CACNA1H: variants seen among roughly 807,000 people sequenced by gnomAD.
The protein encoded by CACNA1H is voltage-dependent T-type calcium channel subunit alpha-1H.
CACNA1H carries 149 observed loss-of-function variants against 192.5 expected under a neutral mutation model. That is an observed-to-expected ratio of 0.77 (90% CI 0.68 to 0.89). The LOEUF is 0.89. Ranked by LOEUF, CACNA1H falls within the 40% of genes least tolerant of loss-of-function variation. The pLI, the probability that CACNA1H is intolerant of heterozygous loss-of-function variation, is 0.00. For synonymous variants in CACNA1H, 2,202 were observed against 1,475.2 expected (o/e 1.49, Z -11.29); for missense variants, 4,257 against 3,423.5 (o/e 1.24, Z -6.08).
intron 33 of CACNA1H, 71 bp downstream of exon 33, chr16:1,218,722 A>C: frequency 1.0e-5 from 7 of 699,682 alleles, no homozygotes; most frequent in African/African-American, 2.2e-5. Flanking sequence ...GGCAGGTGGG[A>C]GGGAGGATGG....
intron 20 of CACNA1H, 29 bp from the exon 21 acceptor site, chr16:1,210,758 C>T: frequency 6.3e-7 from 1 of 1,597,058 alleles, no homozygotes; most frequent in Non-Finnish European, 8.5e-7. Context: ...ACGCCTGAGC[C>T]TGAGCTCAGT....
At chr16:1,193,422 A>G (rs1236826645) in intron 2 of CACNA1H, among the ~76,000 whole-genome samples, 1 of 152,220 alleles carries the variant, frequency 6.6e-6, no homozygotes, top group Non-Finnish European at 1.5e-5. Flanking sequence ...ACCTTGACCA[A>G]GGCACGCAAA....
At position 1,208,030 on chromosome 16, in the gene CACNA1H, C is replaced by T. The variant is rs1272825193; in HGVS notation, c.3172C>T (p.Leu1058=). The T allele has an allele frequency of 1.9e-6, 3 of 1,606,026 alleles. No individual in the cohort carries two copies. The highest frequency in any genetic ancestry group is 1.1e-5 in the South Asian group (1 of 89,410). ...LQTTELKMCS[L]AVTPNGHLEG... ...TCCCGCAGAGCTGAAGATGTGTTCCCTGGCCGTGACCCCCAACGGGCACCT... is the reference window on the plus strand; with the variant it reads ...TCCCGCAGAGCTGAAGATGTGTTCCTTGGCCGTGACCCCCAACGGGCACCT... The change falls in exon 16 of 35, where the codon CTG becomes TTG. Residue 1058 remains leucine (L), a synonymous_variant. Transcript: ENST00000348261.
chr16:1,214,583 C>T (rs1969842420), intron 27 of CACNA1H, among the ~76,000 whole-genome samples: 2 of 152,128 alleles, frequency 1.3e-5, no homozygotes, highest in Non-Finnish European at 2.9e-5. Context: ...CCTGTGAGCC[C>T]ATGTCCCCAT....
chr16:1,154,101 CGGGACTCCCTCGGCATGCG>C, intron 2 of CACNA1H, 65 bp downstream of exon 2: 1 of 1,015,890 alleles, frequency 9.8e-7, no homozygotes, highest in Non-Finnish European at 1.3e-6. Flanking sequence ...GCCCGGGGCG[CGGGACTCCCTCGGCATGCG>C]CCCCCGCGCG....
chr16:1,208,104 C>A lies in CACNA1H; in HGVS notation c.3246C>A (p.Ala1082=). 6.3e-7 allele frequency: 1 copy of A among 1,595,302 alleles called. No homozygotes were observed. The highest frequency in any genetic ancestry group is 1.1e-5 in the South Asian group (1 of 87,686). ...LSPPLIMCTA[A]TPMPTPKSSP... ...CTCCCCTCATCATGTGCACAGCTGC[C>A]ACGCCCATGCCTACCCCCAAGAGCT... Residue 1082 remains alanine (A), a synonymous_variant, in exon 16 of 35, where the codon GCC becomes GCA. Coordinates refer to ENST00000348261, the MANE Select transcript of CACNA1H (RefSeq NM_021098.3).
chr16:1,177,475 C>T (rs998571673), intron 2 of CACNA1H, among the ~76,000 whole-genome samples: 8 of 152,188 alleles, frequency 5.3e-5, no homozygotes, highest in African/African-American at 1.2e-4. Flanking sequence ...CACGGTCACA[C>T]GTCTGTCATA....
chr16:1,154,054 CG>C lies in CACNA1H; in HGVS notation c.299+24del, dbSNP rs1402551831. 1.7e-4 allele frequency: 18 copies of C among 106,504 alleles called. No homozygotes were observed. Among genetic ancestry groups the C allele is most frequent in the South Asian group, 8.5e-4 (2 of 2,348 alleles). The allele number at this position is 106,504 out of a possible 1,614,324, so 6.6% of individuals were successfully genotyped here. On this transcript the variant is annotated intron_variant, in intron 2 of 34. Transcript: ENST00000348261. ...TGCAACCCATATCCTTCCCGGCCGG[CG>C]GGGGGCGGGGGGCGGGGGGCGTGGG... is the stretch of plus-strand genomic sequence containing the variant.
At chr16:1,189,008 G>A (rs940725909) in intron 2 of CACNA1H, among the ~76,000 whole-genome samples, 8 of 151,264 alleles carry the variant, frequency 5.3e-5, no homozygotes, top group African/African-American at 2.0e-4. Flanking sequence ...GAGAGCTGAG[G>A]GGCTTCTGTG....
Position 1,201,958 on chromosome 16 carries a change from G to T in CACNA1H, c.1508G>T (p.Arg503Leu). The T allele has an allele frequency of 6.5e-7, 1 of 1,545,504 alleles. No homozygotes were observed. Among genetic ancestry groups the T allele is most frequent in the East Asian group, 2.5e-5 (1 of 40,804 alleles). Residue 503 changes from arginine (R) to leucine (L), a missense_variant, in exon 9 of 35, where the codon CGC becomes CTC. Transcript: ENST00000348261. ...GTGCAAGGCCAGGGTCCCGGGCACC[G>T]CCAGCGCCGGGCAGGCAGGCACACA... ...SAVQGQGPGH[R>L]QRRAGRHTAS...
intron 2 of CACNA1H, among the ~76,000 whole-genome samples, chr16:1,183,486 C>A (rs183718749): frequency 6.6e-6 from 1 of 152,216 alleles, no homozygotes; most frequent in East Asian, 1.9e-4. Context: ...GAGAAACCTC[C>A]TTCAGTCAGC....
At chr16:1,196,630 G>A (rs1967009500) in intron 5 of CACNA1H, among the ~76,000 whole-genome samples, 1 of 152,196 alleles carries the variant, frequency 6.6e-6, no homozygotes, top group Non-Finnish European at 1.5e-5. Flanking sequence ...TTTTCTAGAA[G>A]GAAGGCTGGA....
intron 8 of CACNA1H, 151 bp from the exon 9 acceptor site, chr16:1,201,512 T>G (rs1458649369): frequency 1.0e-6 from 1 of 954,626 alleles, no homozygotes; most frequent in Non-Finnish European, 1.5e-6. Flanking sequence ...GGCTCAGCAC[T>G]GAACACCGCA....
intron 2 of CACNA1H, among the ~76,000 whole-genome samples, chr16:1,166,683 G>A (rs1963814925): frequency 6.6e-6 from 1 of 152,038 alleles, no homozygotes; most frequent in African/African-American, 2.4e-5. Flanking sequence ...CCTGTATATG[G>A]GATCCCACGT....
rs759599662 is a variant in CACNA1H at position 1,212,492 on chromosome 16, C to A, written c.4760-19C>A. The A allele has an allele frequency of 6.2e-7, 1 of 1,610,058 alleles. No individual in the cohort carries two copies. The highest frequency in any genetic ancestry group is 2.2e-5 in the East Asian group (1 of 44,742). The stretch of plus-strand genomic sequence containing the variant: ...TGCGCCACGCCCTCGGCCCTCAGAC[C>A]ATCTCCTTGTCTTTCCAGGCACTTT... On this transcript the variant is annotated intron_variant, in intron 25 of 34. Coordinates refer to ENST00000348261, the MANE Select transcript of CACNA1H (RefSeq NM_021098.3).
intron 2 of CACNA1H, among the ~76,000 whole-genome samples, chr16:1,177,048 C>T (rs562317042): frequency 2.7e-4 from 41 of 152,280 alleles, no homozygotes; most frequent in Admixed American, 2.4e-3. Context: ...CCAGGCCCTC[C>T]GCACCTTCTC....
chr16:1,153,932 C>G lies in CACNA1H; in HGVS notation c.195C>G (p.Asp65Glu), dbSNP rs1052712888. The change falls in exon 2 of 35, where the codon GAC becomes GAG. Residue 65 changes from aspartate to glutamate, a missense_variant. Transcript: ENST00000348261. ...AAERGAELGA[D>E]EEQRVPYPAL... ...AGCGCGGCGCGGAGCTGGGTGCCGACGAGGAGCAGCGCGTCCCGTACCCGG... is the reference window on the plus strand; with the variant it reads ...AGCGCGGCGCGGAGCTGGGTGCCGAGGAGGAGCAGCGCGTCCCGTACCCGG... 2 of 1,456,816 alleles carry G rather than the reference C, an allele frequency of 1.4e-6. No individual in the cohort carries two copies. Among genetic ancestry groups the G allele is most frequent in the African/African-American group, 2.9e-5 (2 of 67,996 alleles). 90.2% of individuals were successfully genotyped at this position (1,456,816 alleles called of 1,614,324 possible).
chr16:1,210,064 G>A lies in CACNA1H; in HGVS notation c.3774G>A (p.Leu1258=). Residue 1258 remains leucine (L), a synonymous_variant, in exon 18 of 35, where the codon CTG becomes CTA. Transcript: ENST00000348261. ...GCTGCCTCCGCCTGCATAAAGTGCT[G>A]GAGCCCTACAAGCCCCAGTGGTGCC... is the stretch of plus-strand genomic sequence containing the variant. The part of the protein sequence containing the change: ...DSCCLRLHKV[L]EPYKPQWCRS... 3.2e-6 allele frequency: 5 copies of A among 1,555,214 alleles called. No homozygotes were observed. Among genetic ancestry groups the A allele is most frequent in the Non-Finnish European group, 2.6e-6 (3 of 1,150,020 alleles).
At chr16:1,207,891 T>C in intron 15 of CACNA1H, 31 bp downstream of exon 15, 1 of 1,561,632 alleles carries the variant, frequency 6.4e-7, no homozygotes, top group Non-Finnish European at 8.7e-7. Context: ...GTCCGGGTTC[T>C]GGCGGGTGGA....
Sources: gnomAD v4.1 joint callset for allele counts (sites outside exome capture counted in the v4.1 genomes callset) on GRCh38, gnomAD v4.1.1 for gene constraint, MANE v1.5 for transcripts, NCBI Gene and HGNC (gene_info 2026-07-23, HGNC 2026-07-21) for gene names.